Variants in PRKCA observed in about 807,000 individuals in gnomAD.
PRKCA encodes protein kinase C alpha type.
In PRKCA, 27 loss-of-function variants were observed where a neutral mutation model predicts 87.0. The observed-to-expected ratio is 0.31, with a 90% CI of 0.23 to 0.43. The LOEUF is 0.43. Among genes scored for constraint, PRKCA ranks in the 20% least tolerant of loss-of-function variants. The probability of loss-of-function intolerance (pLI) is 1.00; values close to 1 mark genes in which losing one functional copy is unlikely to be tolerated. For missense variants in PRKCA, 518 were observed against 852.3 expected (o/e 0.61, Z 4.88); for synonymous variants, 329 against 311.1 (o/e 1.06, Z -0.61).
At chr17:66,656,990 G>C (rs773412308) in intron 5 of PRKCA, among the ~76,000 whole-genome samples, 65 of 152,182 alleles carry the variant, frequency 4.3e-4, no homozygotes, top group Non-Finnish European at 7.5e-4. Context: ...GTATACACCT[G>C]CTCTGATTAT....
intron 3 of PRKCA, among the ~76,000 whole-genome samples, chr17:66,574,173 G>C (rs1244893527): frequency 6.6e-6 from 1 of 152,148 alleles, no homozygotes; most frequent in Non-Finnish European, 1.5e-5. Context: ...AAGCTTTACT[G>C]TTTATAATCT....
chr17:66,386,942 A>G (rs917450851), intron 2 of PRKCA, among the ~76,000 whole-genome samples: 3 of 152,220 alleles, frequency 2.0e-5, no homozygotes, highest in South Asian at 4.2e-4. Flanking sequence ...CAGCCCTACC[A>G]TGGAAGAATT....
intron 3 of PRKCA, among the ~76,000 whole-genome samples, chr17:66,603,566 G>A (rs1464018729): frequency 6.6e-6 from 1 of 152,136 alleles, no homozygotes; most frequent in Non-Finnish European, 1.5e-5. Context: ...TCCCTTCTAT[G>A]CCTTTTTCTC....
chr17:66,519,884 A>T (rs1216616930), intron 3 of PRKCA, among the ~76,000 whole-genome samples: 1 of 152,190 alleles, frequency 6.6e-6, no homozygotes, highest in African/African-American at 2.4e-5. Flanking sequence ...GGCCAAGATT[A>T]CCTTGGATAT....
intron 3 of PRKCA, among the ~76,000 whole-genome samples, chr17:66,625,064 C>T (rs1437655563): frequency 6.6e-6 from 1 of 152,154 alleles, no homozygotes; most frequent in Non-Finnish European, 1.5e-5. Context: ...TTCTATAGAT[C>T]ACAAGAAAGT....
chr17:66,307,464 G>A (rs2143114611), intron 2 of PRKCA, among the ~76,000 whole-genome samples: 1 of 152,216 alleles, frequency 6.6e-6, no homozygotes, highest in East Asian at 1.9e-4. Flanking sequence ...GTTATTTTTG[G>A]TGATATTTTT....
At chr17:66,509,163 CGTGTGTGTGTGTGTATGTGTGTGT>C (rs1917107970) in intron 3 of PRKCA, among the ~76,000 whole-genome samples, 1 of 138,094 alleles carries the variant, frequency 7.2e-6, no homozygotes. Flanking sequence ...AGAAAAGGAA[CGTGTGTGTGTGTGTATGTGTGTGT>C]GTGTGTGTGT....
chr17:66,798,199 A>G (rs1975714312), intron 16 of PRKCA, among the ~76,000 whole-genome samples: 1 of 152,156 alleles, frequency 6.6e-6, no homozygotes, highest in Non-Finnish European at 1.5e-5. Context: ...CTCCCTGCTC[A>G]GCTCCAAGAT....
At chr17:66,412,823 A>G (rs1008239029) in intron 2 of PRKCA, 2 of 152,080 alleles carry the variant, frequency 1.3e-5, no homozygotes, top group African/African-American at 4.8e-5. Flanking sequence ...CACTTCCTCC[A>G]TGGTCTCTAA....
At chr17:66,729,780 C>T (rs1020912984) in intron 8 of PRKCA, among the ~76,000 whole-genome samples, 39 of 105,030 alleles carry the variant, frequency 3.7e-4, no homozygotes, top group Admixed American at 7.1e-4. Flanking sequence ...GCGAGTTATT[C>T]TTTTTTTTTT....
At chr17:66,630,029 G>A (rs1370463527) in intron 3 of PRKCA, among the ~76,000 whole-genome samples, 1 of 152,142 alleles carries the variant, frequency 6.6e-6, no homozygotes, top group Admixed American at 6.5e-5. Context: ...CAGCTTGTGA[G>A]TCTAAAATTA....
chr17:66,776,621 A>G (rs917538697), intron 14 of PRKCA, among the ~76,000 whole-genome samples: 2 of 152,122 alleles, frequency 1.3e-5, no homozygotes, highest in Non-Finnish European at 2.9e-5. Context: ...GACAAGTTTT[A>G]GAGAGGAATG....
At chr17:66,685,602 C>CT (rs1972605480) in intron 5 of PRKCA, among the ~76,000 whole-genome samples, 1 of 152,088 alleles carries the variant, frequency 6.6e-6, no homozygotes, top group South Asian at 2.1e-4. Flanking sequence ...GGATGTAAGG[C>CT]TGTTGGCTGG....
intron 3 of PRKCA, among the ~76,000 whole-genome samples, chr17:66,515,720 T>C (rs1232242293): frequency 6.6e-6 from 1 of 152,094 alleles, no homozygotes; most frequent in Non-Finnish European, 1.5e-5. Context: ...ATTTTTTATA[T>C]TTTTAGTAGA....
At chr17:66,566,149 C>T (rs926128710) in intron 3 of PRKCA, among the ~76,000 whole-genome samples, 2 of 152,126 alleles carry the variant, frequency 1.3e-5, no homozygotes, top group Admixed American at 6.5e-5. Flanking sequence ...CACCCTTGGG[C>T]TAAGATGCAC....
At chr17:66,653,474 C>T (rs1971644148) in intron 5 of PRKCA, among the ~76,000 whole-genome samples, 1 of 152,054 alleles carries the variant, frequency 6.6e-6, no homozygotes, top group African/African-American at 2.4e-5. Context: ...ACTTGTAGTC[C>T]CAGCTACTCA....
chr17:66,650,286 C>T (rs369833282), intron 5 of PRKCA, among the ~76,000 whole-genome samples: 13 of 151,982 alleles, frequency 8.6e-5, no homozygotes, highest in Non-Finnish European at 1.6e-4. Flanking sequence ...GGGAAAGCCC[C>T]GAGCTTTGGT....
At chr17:66,379,335 T>G (rs141475162) in intron 2 of PRKCA, among the ~76,000 whole-genome samples, 1 of 152,356 alleles carries the variant, frequency 6.6e-6, no homozygotes, top group East Asian at 1.9e-4. Context: ...TCCTTTTTAT[T>G]TAGTCAGCCT....
At chr17:66,620,085 A>G (rs894988812) in intron 3 of PRKCA, among the ~76,000 whole-genome samples, 6 of 152,188 alleles carry the variant, frequency 3.9e-5, no homozygotes, top group Admixed American at 1.3e-4. Flanking sequence ...TCCATACAGA[A>G]TGGGTCATGC....
Sources: allele counts gnomAD v4.1 joint callset (sites outside exome capture counted in the v4.1 genomes callset), GRCh38; gene constraint gnomAD v4.1.1; transcripts MANE v1.5; gene names NCBI Gene and HGNC (gene_info 2026-07-23, HGNC 2026-07-21).